JAK3: variants seen among roughly 807,000 people sequenced by gnomAD.
The protein encoded by JAK3 is tyrosine-protein kinase JAK3.
Under a neutral mutation model 120.8 loss-of-function variants are expected in JAK3, and 88 were observed. That is an observed-to-expected ratio of 0.73 (90% CI 0.61 to 0.87). The LOEUF (loss-of-function observed/expected upper bound fraction) is 0.87, where lower values mean the gene tolerates loss of function less well. Among genes scored for constraint, JAK3 ranks in the 40% least tolerant of loss-of-function variants. JAK3 has a pLI of 0.00. For missense variants in JAK3, 1,254 were observed against 1,501.4 expected (o/e 0.84, Z 2.72); for synonymous variants, 592 against 628.6 (o/e 0.94, Z 0.87).
Position 17,842,520 on chromosome 19 carries a change from T to C in JAK3, c.657A>G (p.Arg219=), listed in dbSNP as rs1236808333. The change falls in exon 6 of 24, where the codon AGA becomes AGG. Residue 219 remains arginine (R), a synonymous_variant. Coordinates refer to ENST00000458235, the MANE Select transcript of JAK3 (RefSeq NM_000215.4). The surrounding 1 kb of genome is among the most constrained non-coding windows in gnomAD (Gnocchi z 6.4). ...GGCAGGCGGCCACGCGGCGCAGGGC[T>C]CTGCGCACCGTCCTCCGAATACGCC... is the stretch of plus-strand genomic sequence containing the variant. The part of the protein sequence containing the change: ...TRRRIRRTVR[R]ALRRVAACQA... 11 of 1,592,768 alleles carry C rather than the reference T, an allele frequency of 6.9e-6. No homozygotes were observed. The highest frequency in any genetic ancestry group is 1.8e-5 in the Admixed American group (1 of 56,698).
intron 1 of JAK3, among the ~76,000 whole-genome samples, chr19:17,845,421 G>A (rs2094249906): frequency 6.6e-6 from 1 of 152,080 alleles, no homozygotes. Flanking sequence ...CTCCCAAAAT[G>A]CTGGATTACA....
Position 17,839,620 on chromosome 19 carries a change from C to T in JAK3, c.1298G>A (p.Ser433Asn), listed in dbSNP as rs2147691362. 6.2e-7 allele frequency: 1 copy of T among 1,612,374 alleles called. No homozygotes were observed. Among genetic ancestry groups the T allele is most frequent in the Non-Finnish European group, 8.5e-7 (1 of 1,179,540 alleles). ...PDYKGCLIRR[S>N]PTGTFLLVGL... is the part of the protein sequence containing the mutation. ...AACCAGAAGGAAGGTTCCTGTGGGG[C>T]TGCGCCGGATGAGGCAGCCCTTATA... Residue 433 changes from serine to asparagine, a missense_variant, in exon 10 of 24, where the codon AGC becomes AAC. Physicochemically the swap from Ser to Asn is conservative, Grantham distance 46 (BLOSUM62 1). Coordinates refer to ENST00000458235, the MANE Select transcript of JAK3 (RefSeq NM_000215.4).
Position 17,843,247 on chromosome 19 carries a change from C to G in JAK3, c.421-75G>C. The G allele has an allele frequency of 6.4e-7, 1 of 1,551,132 alleles. No individual in the cohort carries two copies. The highest frequency in any genetic ancestry group is 8.7e-7 in the Non-Finnish European group (1 of 1,146,688). On this transcript the variant is annotated intron_variant, in intron 4 of 23. Transcript: ENST00000458235. This position sits in a 1 kb window ranked among gnomAD's most constrained non-coding sequence, Gnocchi z 5.4. The stretch of plus-strand genomic sequence containing the variant: ...CCTGTTGTTAACCTGCAGACCCCCC[C>G]AATCCTGGGCTGACCCCCACCCCTG...
chr19:17,835,938 C>A lies in JAK3; in HGVS notation c.1900G>T (p.Ala634Ser). ...KLQVVKQLAY[A>S]LNYLEDKGLP... ...GGAGCACTCACCAGATAGTTGAGGG[C>A]GTAGGCCAGCTGTTTGACCACCTGC... Residue 634 changes from alanine to serine, a missense_variant, in exon 14 of 24, where the codon GCC becomes TCC. By Grantham distance (99) the Ala-to-Ser change is moderately conservative. Around this residue, in one of 3 missense-constraint regions of JAK3, gnomAD observed 630 missense variants for 819.8 expected, o/e 0.77. Coordinates refer to ENST00000458235, the MANE Select transcript of JAK3 (RefSeq NM_000215.4). The A allele has an allele frequency of 1.2e-6, 2 of 1,613,980 alleles. No homozygotes were observed. The highest frequency in any genetic ancestry group is 1.7e-6 in the Non-Finnish European group (2 of 1,180,044).
Position 17,840,111 on chromosome 19 carries a change from G to A in JAK3, c.1254+119C>T, listed in dbSNP as rs112661035. On this transcript the variant is annotated intron_variant, in intron 9 of 23. Coordinates refer to ENST00000458235, the MANE Select transcript of JAK3 (RefSeq NM_000215.4). ...CTTTGAATATGCTGTTCTGTTCACC[G>A]GGGGTGTCTTTTCCCTCCTATTCTT... 59 of 734,722 alleles carry A rather than the reference G, an allele frequency of 8.0e-5. No homozygotes were observed. The African/African-American group carries it at 8.2e-4, about 10-fold the overall frequency. The allele number at this position is 734,722 out of a possible 1,614,324, so 45.5% of individuals were successfully genotyped here. A position where few individuals can be genotyped will look rare whatever the true frequency, so the allele number is the denominator to read the frequency against.
chr19:17,830,462 G>A (rs200761867), intron 22 of JAK3, 41 bp downstream of exon 22: 60 of 1,510,812 alleles, frequency 4.0e-5, no homozygotes, highest in Non-Finnish European at 5.5e-5. Flanking sequence ...CGAGGGGCGT[G>A]GAGGGAGAAG....
At chr19:17,833,024 C>A in intron 17 of JAK3, 95 bp from the exon 18 acceptor site, 1 of 1,537,042 alleles carries the variant, frequency 6.5e-7, no homozygotes, top group Non-Finnish European at 8.8e-7. Flanking sequence ...TGCATATTGA[C>A]CCTCTCTGTG....
intron 13 of JAK3, among the ~76,000 whole-genome samples, chr19:17,836,533 C>T (rs977104165): frequency 4.6e-5 from 7 of 152,182 alleles, no homozygotes; most frequent in East Asian, 1.9e-4. Context: ...CCACTCGCCT[C>T]GGCTTTTCAA....
In JAK3 at chr19:17,829,755, A is replaced by AAAAG. The variant is rs529228753; in HGVS notation, c.3207+349_3207+352dup. On this transcript the variant is annotated intron_variant, in intron 23 of 23. Transcript: ENST00000458235. ...CAACAGAGTGAGCCCCCATCTATAA[A>AAAAG]AAAGAAAGAAAGAAAGAAAAAAAAA... The AAAAG allele has an allele frequency of 4.2e-5, 19 of 448,214 alleles. No individual in the cohort carries two copies. The East Asian group carries it at 5.7e-4, about 13-fold the overall frequency. The allele number at this position is 448,214 out of a possible 1,614,324, so 27.8% of individuals were successfully genotyped here. A position where few individuals can be genotyped will look rare whatever the true frequency, so the allele number is the denominator to read the frequency against.
rs59186613 is a variant in JAK3 at position 17,829,771 on chromosome 19, GA to G, written c.3207+336del. ...CATCTATAAAAAAGAAAGAAAGAAA[GA>G]AAAAAAAAAACCATGAACGTCACCA... On this transcript the variant is annotated intron_variant, in intron 23 of 23. Coordinates refer to ENST00000458235, the MANE Select transcript of JAK3 (RefSeq NM_000215.4). 0.11 allele frequency: 40,153 copies of G among 373,376 alleles called. 1,301 individuals carry two copies. The highest frequency in any genetic ancestry group is 0.15 in the African/African-American group (7,187 of 46,796). 23.1% of individuals were successfully genotyped at this position (373,376 alleles called of 1,614,324 possible).
Position 17,835,225 on chromosome 19 carries a change from C to T in JAK3, c.1915-10G>A, listed in dbSNP as rs1350200265. 8 of 1,613,132 alleles carry T rather than the reference C, an allele frequency of 5.0e-6. No homozygotes were observed. Among genetic ancestry groups the T allele is most frequent in the Non-Finnish European group, 6.8e-6 (8 of 1,179,834 alleles). On this transcript the variant is annotated splice_polypyrimidine_tract_variant and intron_variant, in intron 14 of 23. Transcript: ENST00000458235. ...GCAGGCCTTTGTCCTCCTAAGGGGGCCAGACACAGGAAAATGCCCGGGAGG... is the reference window on the plus strand; with the variant it reads ...GCAGGCCTTTGTCCTCCTAAGGGGGTCAGACACAGGAAAATGCCCGGGAGG...
chr19:17,833,283 G>A lies in JAK3; in HGVS notation c.2351-354C>T, dbSNP rs142948261. 1.4e-3 allele frequency among the ~76,000 whole-genome samples: 206 copies of A among 152,254 alleles called. 1 individual carries two copies. Among genetic ancestry groups the A allele is most frequent in the Non-Finnish European group, 2.2e-3 (153 of 68,008 alleles). ...GGGTGCCCCTCCAGTCCTGACCCAT[G>A]GAAACCTAATACGGGGCCCTCCACA... On this transcript the variant is annotated intron_variant, in intron 17 of 23. Transcript: ENST00000458235.
Position 17,826,259 on chromosome 19 carries a change from C to G in JAK3, c.*484G>C, listed in dbSNP as rs899460161. The stretch of plus-strand genomic sequence containing the variant: ...AATTAGCCGGGTGTGGTGGTGCACA[C>G]CTGTAATCCCAGCTACTCGGGAGGC... On this transcript the variant is annotated 3_prime_UTR_variant, in exon 24 of 24. Coordinates refer to ENST00000458235, the MANE Select transcript of JAK3 (RefSeq NM_000215.4). 4 of 180,074 alleles carry G rather than the reference C, an allele frequency of 2.2e-5. No individual in the cohort carries two copies. Among genetic ancestry groups the G allele is most frequent in the Admixed American group, 1.7e-4 (3 of 17,452 alleles). 11.2% of individuals were successfully genotyped at this position (180,074 alleles called of 1,614,324 possible).
At chr19:17,838,222 C>T (rs781639492) in intron 11 of JAK3, 41 bp downstream of exon 11, 2 of 1,613,468 alleles carry the variant, frequency 1.2e-6, no homozygotes, top group Admixed American at 3.3e-5. Context: ...AGTCTCTGGA[C>T]CCCAGACTGA....
intron 14 of JAK3, among the ~76,000 whole-genome samples, chr19:17,835,720 C>T (rs1001759526): frequency 6.6e-6 from 1 of 152,158 alleles, no homozygotes; most frequent in Non-Finnish European, 1.5e-5. Context: ...TTCTTCCTGC[C>T]CAGCCTCGTC....
At chr19:17,830,323 G>C in intron 22 of JAK3, 105 bp from the exon 23 acceptor site, 1 of 978,640 alleles carries the variant, frequency 1.0e-6, no homozygotes, top group South Asian at 1.4e-5. Context: ...GGAGCGGGGA[G>C]GGGCTGCCTG....
chr19:17,827,598 C>G (rs955811875), intron 23 of JAK3, among the ~76,000 whole-genome samples: 1 of 151,564 alleles, frequency 6.6e-6, no homozygotes, highest in Non-Finnish European at 1.5e-5. Flanking sequence ...CCACCCACCT[C>G]GGCCTCCTAA....
chr19:17,835,331 C>A (rs889549580), intron 14 of JAK3, 116 bp from the exon 15 acceptor site: 54 of 1,345,230 alleles, frequency 4.0e-5, no homozygotes, highest in Non-Finnish European at 5.2e-5. Flanking sequence ...CATGCTCCAG[C>A]ATCGTCCCTG....
At position 17,842,734 on chromosome 19, in the gene JAK3, C is replaced by A; in HGVS notation, c.567-124G>T. The A allele has an allele frequency of 9.6e-7, 1 of 1,041,952 alleles. No individual in the cohort carries two copies. Among genetic ancestry groups the A allele is most frequent in the Middle Eastern group, 3.0e-4 (1 of 3,310 alleles). 64.5% of individuals were successfully genotyped at this position (1,041,952 alleles called of 1,614,324 possible). A position where few individuals can be genotyped will look rare whatever the true frequency, so the allele number is the denominator to read the frequency against. On this transcript the variant is annotated intron_variant, in intron 5 of 23. Transcript: ENST00000458235. This position sits in a 1 kb window ranked among gnomAD's most constrained non-coding sequence, Gnocchi z 6.4. ...GGCCCTAGTTGGGGCACCAGGCACACACAGACTCTCATTCAGGGTCAGGTA... is the reference window on the plus strand; with the variant it reads ...GGCCCTAGTTGGGGCACCAGGCACAAACAGACTCTCATTCAGGGTCAGGTA...
Sources: allele counts gnomAD v4.1 joint callset (sites outside exome capture counted in the v4.1 genomes callset), GRCh38; gene constraint gnomAD v4.1.1; regional missense constraint gnomAD v4.1.1; non-coding constraint Gnocchi (gnomAD v3.1); transcripts MANE v1.5; gene names NCBI Gene and HGNC (gene_info 2026-07-23, HGNC 2026-07-21).